The following PTPRD variants were observed in gnomAD, a reference collection of about 807,000 sequenced individuals.
PTPRD encodes receptor-type tyrosine-protein phosphatase delta.
A neutral mutation model predicts 214.5 loss-of-function variants in PTPRD; 34 were observed. The ratio of observed to expected loss-of-function variants is 0.16; its 90% CI spans 0.12 to 0.21. PTPRD has a LOEUF of 0.21. PTPRD is among the 10% of genes least tolerant of loss of function. The pLI is 1.00. For missense variants in PTPRD, 2,545 were observed against 2,398.7 expected (o/e 1.06, Z -1.27); for synonymous variants, 1,128 against 845.7 (o/e 1.33, Z -5.79).
At chr9:9,547,538 A>C (rs1301139174) in intron 8 of PTPRD, among the ~76,000 whole-genome samples, 1 of 152,018 alleles carries the variant, frequency 6.6e-6, no homozygotes, top group Non-Finnish European at 1.5e-5. Context: ...TTTGAGGACT[A>C]AATGCATGTA....
At chr9:10,180,204 T>A (rs1273663163) in intron 3 of PTPRD, among the ~76,000 whole-genome samples, 4 of 152,020 alleles carry the variant, frequency 2.6e-5, no homozygotes, top group Admixed American at 2.6e-4. Context: ...ATATATAGGA[T>A]AGACATTTTA....
intron 42 of PTPRD, 111 bp downstream of exon 42, chr9:8,340,232 T>C: frequency 8.0e-7 from 1 of 1,249,324 alleles, no homozygotes; most frequent in Non-Finnish European, 1.1e-6. Flanking sequence ...ATGTCCAGAG[T>C]GCACTGCATT....
At chr9:8,632,451 A>C (rs747583533) in intron 14 of PTPRD, among the ~76,000 whole-genome samples, 1 of 151,940 alleles carries the variant, frequency 6.6e-6, no homozygotes, top group African/African-American at 2.4e-5. Flanking sequence ...CTATTCTCCT[A>C]AATTTTGGAA....
rs2081053522 is a variant in PTPRD at position 9,426,655 on chromosome 9, C to G, written c.-236-29173G>C. Among the ~76,000 whole-genome samples, 3 of 152,162 alleles carry G rather than the reference C, an allele frequency of 2.0e-5. No homozygotes were observed. The South Asian group carries it at 6.2e-4, about 32-fold the overall frequency. ...GAGTCGCCTAACTGGAAGGCACCTC[C>G]CAGTAGGGGCCGACTGACACCTCAT... is the stretch of plus-strand genomic sequence containing the variant. On this transcript the variant is annotated intron_variant, in intron 8 of 45. Coordinates refer to ENST00000381196, the MANE Select transcript of PTPRD (RefSeq NM_002839.4).
At chr9:9,782,775 G>T (rs189655813) in intron 5 of PTPRD, among the ~76,000 whole-genome samples, 44 of 152,232 alleles carry the variant, frequency 2.9e-4, no homozygotes, top group Non-Finnish European at 5.1e-4. Flanking sequence ...TGTATAACAA[G>T]TTATCGAAAT....
chr9:8,973,900 T>C (rs2099253506), intron 11 of PTPRD, among the ~76,000 whole-genome samples: 1 of 152,094 alleles, frequency 6.6e-6, no homozygotes, highest in Non-Finnish European at 1.5e-5. Flanking sequence ...TTGCCCACTT[T>C]TAATAGGGTT....
At chr9:8,823,108 C>T (rs571674319) in intron 11 of PTPRD, among the ~76,000 whole-genome samples, 14 of 152,272 alleles carry the variant, frequency 9.2e-5, no homozygotes, top group African/African-American at 3.1e-4. Flanking sequence ...ACAGCCTCTT[C>T]TTGAAGCCCT....
At position 10,541,105 on chromosome 9, in the gene PTPRD, T is replaced by A. The variant is rs558055887; in HGVS notation, c.-600+71293A>T. ...GACTATTTTCCATATGCTTCCTTTA[T>A]TTATCTGCTTTATGGCATAAAACAG... On this transcript the variant is annotated intron_variant, in intron 2 of 45. Coordinates refer to ENST00000381196, the MANE Select transcript of PTPRD (RefSeq NM_002839.4). 2.4e-4 allele frequency among the ~76,000 whole-genome samples: 36 copies of A among 152,360 alleles called. No individual in the cohort carries two copies. The South Asian group carries it at 5.4e-3, about 23-fold the overall frequency.
chr9:8,510,594 T>C (rs959456122), intron 21 of PTPRD, among the ~76,000 whole-genome samples: 69 of 152,260 alleles, frequency 4.5e-4, no homozygotes, highest in African/African-American at 1.6e-3. Flanking sequence ...TTAAAAGCAC[T>C]GTATGGGGCA....
intron 9 of PTPRD, among the ~76,000 whole-genome samples, chr9:9,268,468 T>A (rs917074783): frequency 1.3e-4 from 20 of 151,216 alleles, no homozygotes; most frequent in Non-Finnish European, 2.2e-4. Context: ...TGCATTTTTT[T>A]AAATCAAGGT....
At chr9:10,432,014 A>G (rs2098684360) in intron 2 of PTPRD, among the ~76,000 whole-genome samples, 1 of 152,032 alleles carries the variant, frequency 6.6e-6, no homozygotes, top group South Asian at 2.1e-4. Context: ...TATTCACAAT[A>G]GCAAAGACTT....
At chr9:10,284,928 T>C (rs1311636651) in intron 3 of PTPRD, among the ~76,000 whole-genome samples, 1 of 152,208 alleles carries the variant, frequency 6.6e-6, no homozygotes, top group Non-Finnish European at 1.5e-5. Flanking sequence ...TCACACATAG[T>C]CTATAACATA....
chr9:9,327,606 G>A (rs889225406), intron 9 of PTPRD, among the ~76,000 whole-genome samples: 2 of 152,040 alleles, frequency 1.3e-5, no homozygotes, highest in Non-Finnish European at 1.5e-5. Context: ...CTGAAATTTT[G>A]TTTCTATTGC....
chr9:9,759,555 C>CTTTTTTTTTTTTTTTTTTTTTTTTTT (rs3050068), intron 6 of PTPRD, among the ~76,000 whole-genome samples: 1 of 117,816 alleles, frequency 8.5e-6, no homozygotes, highest in East Asian at 3.4e-4. Flanking sequence ...CAAGGTCTGT[C>CTTTTTTTTTTTTTTTTTTTTTTTTTT]TTTTTTTTTT....
At chr9:10,441,378 T>C (rs1242978934) in intron 2 of PTPRD, among the ~76,000 whole-genome samples, 2 of 151,670 alleles carry the variant, frequency 1.3e-5, no homozygotes, top group Non-Finnish European at 3.0e-5. Flanking sequence ...TCTGAATGTT[T>C]TGAATTTTCT....
intron 9 of PTPRD, among the ~76,000 whole-genome samples, chr9:9,206,280 A>G (rs1360493877): frequency 6.6e-6 from 1 of 152,172 alleles, no homozygotes; most frequent in Non-Finnish European, 1.5e-5. Context: ...AGACCATTCA[A>G]AAGACATTCA....
At chr9:8,999,188 C>T (rs1378465421) in intron 11 of PTPRD, among the ~76,000 whole-genome samples, 1 of 152,042 alleles carries the variant, frequency 6.6e-6, no homozygotes, top group African/African-American at 2.4e-5. Flanking sequence ...AGATATTCTA[C>T]CATGGGTATA....
intron 3 of PTPRD, among the ~76,000 whole-genome samples, chr9:10,215,861 ATATAT>A (rs2099538830): frequency 6.6e-6 from 1 of 152,028 alleles, no homozygotes. Flanking sequence ...AAATAAAAAC[ATATAT>A]TATGATGCTA....
rs574279112 is a variant in PTPRD, at chr9:9,255,007, A to G, written c.-202-71644T>C. ...AGATTTCTTTCATCATTATGCTTCT[A>G]TGATATAGATGAGATTTTGTGGCTA... On this transcript the variant is annotated intron_variant, in intron 9 of 45. Coordinates refer to ENST00000381196, the MANE Select transcript of PTPRD (RefSeq NM_002839.4). 2.6e-5 allele frequency among the ~76,000 whole-genome samples: 4 copies of G among 152,168 alleles called. No individual in the cohort carries two copies. The South Asian group carries it at 6.2e-4, about 24-fold the overall frequency.
Sources: allele counts gnomAD v4.1 joint callset (sites outside exome capture counted in the v4.1 genomes callset), GRCh38; gene constraint gnomAD v4.1.1; transcripts MANE v1.5; gene names NCBI Gene and HGNC (gene_info 2026-07-23, HGNC 2026-07-21).